DCLK2: variants seen among roughly 807,000 people sequenced by gnomAD.
DCLK2 encodes doublecortin like kinase 2, also known as serine/threonine-protein kinase DCLK2.
In DCLK2, 31 loss-of-function variants were observed where a neutral mutation model predicts 78.4. The observed-to-expected ratio is 0.40, with a 90% confidence interval of 0.30 to 0.53. The LOEUF (loss-of-function observed/expected upper bound fraction) is 0.53. Among genes scored for constraint, DCLK2 ranks in the 20% least tolerant of loss-of-function variants. The probability of loss-of-function intolerance (pLI) is 0.61; values close to 1 mark genes in which losing one functional copy is unlikely to be tolerated. For missense variants in DCLK2, 872 were observed against 973.7 expected, an observed-to-expected ratio of 0.90 and a Z score of 1.39; for synonymous variants, 407 against 374.9, an observed-to-expected ratio of 1.09 and a Z score of -0.99.
intron 10 of DCLK2, among the ~76,000 whole-genome samples, chr4:150,235,253 C>T (rs141088726): frequency 6.6e-6 from 1 of 152,204 alleles, no homozygotes; most frequent in Non-Finnish European, 1.5e-5. Context: ...CTTCTCTTTT[C>T]CACTCAGAGT....
At chr4:150,251,403 CCA>C (rs1744055659) in intron 15 of DCLK2, among the ~76,000 whole-genome samples, 1 of 2,630 alleles carries the variant, frequency 3.8e-4, no homozygotes, top group Non-Finnish European at 6.9e-4. Flanking sequence ...CTCACACCCC[CCA>C]CACCCCCACA....
intron 1 of DCLK2, among the ~76,000 whole-genome samples, chr4:150,080,753 T>C (rs1177812532): frequency 1.6e-4 from 24 of 152,212 alleles, no homozygotes; most frequent in Non-Finnish European, 4.4e-5. Flanking sequence ...TGGAGCCACA[T>C]GGAGGAAAAC....
intron 1 of DCLK2, among the ~76,000 whole-genome samples, chr4:150,086,538 ACT>A (rs72174229): frequency 0.04 from 5,898 of 147,154 alleles, 396 homozygotes; most frequent in African/African-American, 0.14. Flanking sequence ...ACTGAGTCTC[ACT>A]CTGTCTGCCA....
chr4:150,237,990 A>G (rs1047004145), intron 10 of DCLK2, among the ~76,000 whole-genome samples: 1 of 152,340 alleles, frequency 6.6e-6, no homozygotes, highest in Non-Finnish European at 1.5e-5. Context: ...TTATGCTGTC[A>G]TACGCACTTG....
chr4:150,245,270 C>G (rs1743219288), intron 12 of DCLK2, among the ~76,000 whole-genome samples: 1 of 152,174 alleles, frequency 6.6e-6, no homozygotes, highest in South Asian at 2.1e-4. Flanking sequence ...ATCTCTTTCT[C>G]TTGCCTGGCC....
chr4:150,223,669 G>A (rs1464070675), intron 7 of DCLK2, among the ~76,000 whole-genome samples: 2 of 152,042 alleles, frequency 1.3e-5, no homozygotes, highest in African/African-American at 4.8e-5. Flanking sequence ...GCTTGAACCT[G>A]GGAGGCGGAG....
chr4:150,202,314 G>A (rs1170438568), intron 4 of DCLK2, among the ~76,000 whole-genome samples: 1 of 152,096 alleles, frequency 6.6e-6, no homozygotes, highest in African/African-American at 2.4e-5. Context: ...TGCTACACTT[G>A]TATTCTAAGT....
chr4:150,134,711 T>C (rs1032570568), intron 2 of DCLK2, among the ~76,000 whole-genome samples: 12 of 152,192 alleles, frequency 7.9e-5, no homozygotes, highest in Non-Finnish European at 1.5e-4. Context: ...TTTTTAAAAA[T>C]TGTCTTTCTG....
chr4:150,195,634 CAAT>C (rs1219480406), intron 3 of DCLK2, among the ~76,000 whole-genome samples: 1 of 148,552 alleles, frequency 6.7e-6, no homozygotes, highest in African/African-American at 2.5e-5. Flanking sequence ...ATATGTATAA[CAAT>C]AACATTTGTT....
chr4:150,184,345 T>C (rs1238719957), intron 2 of DCLK2, among the ~76,000 whole-genome samples: 2 of 152,170 alleles, frequency 1.3e-5, no homozygotes, highest in African/African-American at 4.8e-5. Context: ...TAGTGTTTCT[T>C]TTACTCTCTC....
intron 8 of DCLK2, among the ~76,000 whole-genome samples, chr4:150,225,658 CATT>C (rs1741546402): frequency 6.6e-6 from 1 of 152,142 alleles, no homozygotes; most frequent in Non-Finnish European, 1.5e-5. Flanking sequence ...TGAAATACCT[CATT>C]AATATCTTTG....
intron 15 of DCLK2, among the ~76,000 whole-genome samples, chr4:150,250,501 C>T (rs910604766): frequency 9.2e-5 from 14 of 152,064 alleles, no homozygotes; most frequent in Non-Finnish European, 1.9e-4. Context: ...GACCTTGGTT[C>T]TCCCCACACA....
chr4:150,214,768 C>T (rs1028404735), intron 5 of DCLK2, among the ~76,000 whole-genome samples: 4 of 151,950 alleles, frequency 2.6e-5, no homozygotes, highest in Non-Finnish European at 5.9e-5. Context: ...TCAAGACCAG[C>T]CTGGCCAACA....
chr4:150,150,748 A>G (rs767065677), intron 2 of DCLK2, among the ~76,000 whole-genome samples: 3 of 152,212 alleles, frequency 2.0e-5, no homozygotes, highest in Non-Finnish European at 4.4e-5. Context: ...GAGTGAAATT[A>G]TAGCTCAGGG....
At chr4:150,152,796 A>T (rs1734990639) in intron 2 of DCLK2, among the ~76,000 whole-genome samples, 1 of 152,218 alleles carries the variant, frequency 6.6e-6, no homozygotes, top group Admixed American at 6.5e-5. Flanking sequence ...CTTTTATTTA[A>T]AAAGAAAAAA....
chr4:150,188,705 T>A (rs1221269036), intron 2 of DCLK2, among the ~76,000 whole-genome samples: 1 of 151,854 alleles, frequency 6.6e-6, no homozygotes, highest in African/African-American at 2.4e-5. Context: ...ATCGAGACCA[T>A]CCTGGCTAAC....
intron 2 of DCLK2, among the ~76,000 whole-genome samples, chr4:150,142,532 C>T (rs1734177993): frequency 6.6e-6 from 1 of 152,180 alleles, no homozygotes; most frequent in Non-Finnish European, 1.5e-5. Context: ...ATTCATCACT[C>T]ATATTCCAAA....
chr4:150,108,553 A>T lies in DCLK2; in HGVS notation c.756+5741A>T, dbSNP rs901081969. Among the ~76,000 whole-genome samples, 8 of 151,844 alleles carry T rather than the reference A, an allele frequency of 5.3e-5. No individual in the cohort carries two copies. The East Asian group carries it at 5.8e-4, about 11-fold the overall frequency. On this transcript the variant is annotated intron_variant, in intron 2 of 15. Coordinates refer to ENST00000296550, the MANE Select transcript of DCLK2 (RefSeq NM_001040260.4). Reference sequence around the variant, plus strand: ...AGCAAGACTCTGTCTCAAAAAAATTAAAAAAATAAATAAAATAAAAATAAA... The same window carrying T: ...AGCAAGACTCTGTCTCAAAAAAATTTAAAAAATAAATAAAATAAAAATAAA...
At chr4:150,136,109 G>GT (rs1024717153) in intron 2 of DCLK2, among the ~76,000 whole-genome samples, 4 of 152,314 alleles carry the variant, frequency 2.6e-5, no homozygotes, top group African/African-American at 9.6e-5. Flanking sequence ...GGAGAGGGGA[G>GT]TGAAACCAAG....
Sources: allele counts gnomAD v4.1 joint callset (sites outside exome capture counted in the v4.1 genomes callset), GRCh38; gene constraint gnomAD v4.1.1; transcripts MANE v1.5; gene names NCBI Gene and HGNC (gene_info 2026-07-23, HGNC 2026-07-21).